MICU1: variants seen among roughly 807,000 people sequenced by gnomAD.
MICU1 encodes the protein calcium uptake protein 1, mitochondrial.
Under a neutral mutation model 56.8 loss-of-function variants are expected in MICU1, and 45 were observed. That is an observed-to-expected ratio of 0.79 (90% CI 0.62 to 1.02). The LOEUF (loss-of-function observed/expected upper bound fraction) is 1.02, where lower values mean the gene tolerates loss of function less well. Ranked by LOEUF, MICU1 falls within the 50% of genes least tolerant of loss-of-function variation. The pLI is 0.00. For missense variants in MICU1, 504 were observed against 587.1 expected, an observed-to-expected ratio of 0.86 and a Z score of 1.46; for synonymous variants, 186 against 195.1, an observed-to-expected ratio of 0.95 and a Z score of 0.39.
chr10:72,462,595 A>C (rs969896316), intron 8 of MICU1, among the ~76,000 whole-genome samples: 3 of 152,152 alleles, frequency 2.0e-5, no homozygotes, highest in African/African-American at 7.2e-5. Context: ...ATATAGATGA[A>C]ACACTGAACT....
At chr10:72,422,126 A>G (rs1451852871) in intron 9 of MICU1, among the ~76,000 whole-genome samples, 1 of 152,224 alleles carries the variant, frequency 6.6e-6, no homozygotes, top group African/African-American at 2.4e-5. Flanking sequence ...TAGAGGAAAT[A>G]ACAAGGCTAA....
intron 9 of MICU1, among the ~76,000 whole-genome samples, chr10:72,416,318 C>CA (rs1863982833): frequency 6.6e-6 from 1 of 152,124 alleles, no homozygotes; most frequent in South Asian, 2.1e-4. Context: ...ACAACAACAA[C>CA]AAAAAGTAGA....
intron 5 of MICU1, among the ~76,000 whole-genome samples, chr10:72,518,853 G>A (rs1294509174): frequency 6.6e-6 from 1 of 151,974 alleles, no homozygotes; most frequent in East Asian, 1.9e-4. Flanking sequence ...GCTAAGTTTT[G>A]TATTTTTAGT....
chr10:72,403,349 C>T lies in MICU1; in HGVS notation c.1180+4580G>A, dbSNP rs908866035. 1.1e-4 allele frequency among the ~76,000 whole-genome samples: 16 copies of T among 151,890 alleles called. No homozygotes were observed. In the South Asian group the frequency reaches 1.5e-3, roughly 14 times the overall value. On this transcript the variant is annotated intron_variant, in intron 10 of 11. Transcript: ENST00000361114. ...CTCCAGCCTTGGCGAGAGAGAAACT[C>T]TGTCTCAAAAAAAAAAATTTTTTTT...
chr10:72,522,791 C>T (rs546478693), intron 5 of MICU1, among the ~76,000 whole-genome samples: 1 of 152,272 alleles, frequency 6.6e-6, no homozygotes, highest in South Asian at 2.1e-4. Flanking sequence ...TACAAAGTAA[C>T]TGTTCATTGA....
chr10:72,523,905 A>T (rs1226542365), intron 5 of MICU1: 1 of 1,508,320 alleles, frequency 6.6e-7, no homozygotes, highest in South Asian at 1.3e-5. Flanking sequence ...AAAGTCATTG[A>T]TTAGCTCAGA....
chr10:72,465,560 C>T (rs1589248498), intron 8 of MICU1, among the ~76,000 whole-genome samples: 1 of 122,870 alleles, frequency 8.1e-6, no homozygotes, highest in East Asian at 2.7e-4. Flanking sequence ...GTCACCCAGG[C>T]TGGAGTGCAG....
At chr10:72,579,684 C>A (rs932986464) in intron 1 of MICU1, among the ~76,000 whole-genome samples, 1 of 152,014 alleles carries the variant, frequency 6.6e-6, no homozygotes, top group Non-Finnish European at 1.5e-5. Flanking sequence ...GAGTCAGCAA[C>A]AATGGTTATG....
At chr10:72,524,552 T>C (rs1347368201) in intron 5 of MICU1, among the ~76,000 whole-genome samples, 2 of 152,226 alleles carry the variant, frequency 1.3e-5, no homozygotes, top group East Asian at 3.8e-4. Flanking sequence ...CTCTGGGACT[T>C]GTGCAGTGCT....
At position 72,408,378 on chromosome 10, in the gene MICU1, A is replaced by G. The variant is rs1977683; in HGVS notation, c.1072-341T>C. Among the ~76,000 whole-genome samples, 79,166 of 151,956 alleles carry G rather than the reference A, an allele frequency of 0.52. 22,148 individuals are homozygous for G. The highest frequency in any genetic ancestry group is 0.65 in the Non-Finnish European group (44,107 of 67,956). ...AGCTGGAGCGTAATGGCATGATCTC[A>G]GCTGACTGCAACCTCCGCCTCCTAC... On this transcript the variant is annotated intron_variant, in intron 9 of 11. Transcript: ENST00000361114.
intron 11 of MICU1, among the ~76,000 whole-genome samples, chr10:72,373,339 T>C (rs913318419): frequency 1.3e-5 from 2 of 151,992 alleles, no homozygotes; most frequent in African/African-American, 4.8e-5. Context: ...CTACCACACC[T>C]TGGCTAAACT....
chr10:72,623,701 T>A lies in MICU1; in HGVS notation c.-2+2309A>T, dbSNP rs569010514. 1.2e-3 allele frequency among the ~76,000 whole-genome samples: 187 copies of A among 152,114 alleles called. 1 individual carries two copies. The highest frequency in any genetic ancestry group is 4.0e-3 in the African/African-American group (168 of 41,514). Reference sequence around the variant, plus strand: ...ACTAAAAATACAAAAATTAGCCAGATGTGGTGCCGCGCCTGTAGTTCCAGC... The same window carrying A: ...ACTAAAAATACAAAAATTAGCCAGAAGTGGTGCCGCGCCTGTAGTTCCAGC... On this transcript the variant is annotated intron_variant, in intron 1 of 11. Coordinates refer to ENST00000361114, the MANE Select transcript of MICU1 (RefSeq NM_001195518.2).
chr10:72,433,209 G>A (rs1864601107), intron 8 of MICU1, among the ~76,000 whole-genome samples: 1 of 152,020 alleles, frequency 6.6e-6, no homozygotes, highest in Admixed American at 6.6e-5. Flanking sequence ...CAATGTGTTG[G>A]GATTACAGGC....
chr10:72,422,670 A>G, intron 9 of MICU1, among the ~76,000 whole-genome samples: 1 of 150,324 alleles, frequency 6.7e-6, no homozygotes, highest in Non-Finnish European at 1.5e-5. Context: ...CAGTTCTTGA[A>G]CCTTCTATTT....
chr10:72,497,656 T>C (rs987205000), intron 6 of MICU1, among the ~76,000 whole-genome samples: 16 of 152,042 alleles, frequency 1.1e-4, no homozygotes, highest in African/African-American at 3.1e-4. Flanking sequence ...CTGAGGAAGA[T>C]AGGATAAGTG....
At chr10:72,574,557 A>G (rs1365536534) in intron 1 of MICU1, among the ~76,000 whole-genome samples, 2 of 152,170 alleles carry the variant, frequency 1.3e-5, no homozygotes, top group Non-Finnish European at 2.9e-5. Flanking sequence ...AGATGGGGAA[A>G]TAATGAGATA....
At chr10:72,457,384 AT>A (rs5786076) in intron 8 of MICU1, among the ~76,000 whole-genome samples, 82,436 of 141,566 alleles carry the variant, frequency 0.58, 23,900 homozygotes, top group Non-Finnish European at 0.67. Flanking sequence ...TGCTTGGCCC[AT>A]TTTTTTTTTT....
intron 3 of MICU1, chr10:72,562,658 T>G: frequency 2.9e-6 from 1 of 342,700 alleles, no homozygotes; most frequent in Non-Finnish European, 5.2e-6. Flanking sequence ...GCAGTTGAAC[T>G]GAAAGAACTA....
intron 10 of MICU1, among the ~76,000 whole-genome samples, chr10:72,389,193 G>A (rs1862988149): frequency 6.6e-6 from 1 of 152,190 alleles, no homozygotes; most frequent in African/African-American, 2.4e-5. Context: ...GAATATAAGA[G>A]TTTGTTGTGT....
Sources: allele counts gnomAD v4.1 joint callset (sites outside exome capture counted in the v4.1 genomes callset), GRCh38; gene constraint gnomAD v4.1.1; transcripts MANE v1.5; gene names NCBI Gene and HGNC (gene_info 2026-07-23, HGNC 2026-07-21).